The following FGGY variants were observed in gnomAD, a reference collection of about 807,000 sequenced individuals.
FGGY encodes the protein FGGY carbohydrate kinase domain containing.
In FGGY, 72 loss-of-function variants were observed where a neutral mutation model predicts 71.3. The ratio of observed to expected loss-of-function variants is 1.01; its 90% CI spans 0.84 to 1.23. The LOEUF is 1.23. Ranked by LOEUF, FGGY falls within the 50% of genes most tolerant of loss-of-function variation. FGGY has a pLI of 0.00. For synonymous variants in FGGY, 251 were observed against 250.3 expected (o/e 1.00, Z -0.02); for missense variants, 668 against 682.3 (o/e 0.98, Z 0.23).
At chr1:59,633,305 C>T (rs564170125) in intron 10 of FGGY, among the ~76,000 whole-genome samples, 35 of 152,242 alleles carry the variant, frequency 2.3e-4, no homozygotes, top group African/African-American at 7.2e-4. Context: ...CCACTGCGCC[C>T]GACCTATTAT....
At chr1:59,378,642 TG>T in intron 4 of FGGY, 106 bp from the exon 5 acceptor site, 1 of 862,866 alleles carries the variant, frequency 1.2e-6, no homozygotes, top group East Asian at 2.7e-5. Flanking sequence ...GATGTTTCAA[TG>T]GGCATTGTTG....
At chr1:59,473,087 C>T (rs527608367) in intron 6 of FGGY, among the ~76,000 whole-genome samples, 33 of 152,298 alleles carry the variant, frequency 2.2e-4, no homozygotes, top group African/African-American at 5.1e-4. Flanking sequence ...GCAACCCACT[C>T]GGGTCCCCTT....
chr1:59,513,845 T>C (rs1029035213), intron 7 of FGGY, among the ~76,000 whole-genome samples: 11 of 152,214 alleles, frequency 7.2e-5, no homozygotes, highest in African/African-American at 2.7e-4. Context: ...TATTAAATGG[T>C]GCCTTGTTCT....
chr1:59,302,993 A>G (rs2042995111), intron 1 of FGGY, among the ~76,000 whole-genome samples: 1 of 152,118 alleles, frequency 6.6e-6, no homozygotes. Context: ...TTTTTCCCCC[A>G]GCTTTATTGA....
At chr1:59,611,102 C>A (rs908094177) in intron 9 of FGGY, among the ~76,000 whole-genome samples, 7 of 152,336 alleles carry the variant, frequency 4.6e-5, no homozygotes, top group Middle Eastern at 3.4e-3. Flanking sequence ...CATAGCTGAA[C>A]AAAAGGCAGC....
At position 59,417,704 on chromosome 1, in the gene FGGY, G is replaced by A. The variant is rs2064709361; in HGVS notation, c.554+38867G>A. Among the ~76,000 whole-genome samples, 2 of 152,144 alleles carry A rather than the reference G, an allele frequency of 1.3e-5. 1 individual carries two copies. The highest frequency in any genetic ancestry group is 4.8e-5 in the African/African-American group (2 of 41,428). ...TTGCCTTTATGTAATGACTACTAAT[G>A]TTGAGAATATTTAATGTGCCTATTT... On this transcript the variant is annotated intron_variant, in intron 5 of 15. Transcript: ENST00000303721.
intron 8 of FGGY, among the ~76,000 whole-genome samples, chr1:59,579,417 C>T (rs1290600942): frequency 6.6e-6 from 1 of 152,090 alleles, no homozygotes; most frequent in East Asian, 1.9e-4. Flanking sequence ...TATTTAATCA[C>T]CTACTCAGCA....
At chr1:59,477,699 AT>A (rs958404472) in intron 6 of FGGY, among the ~76,000 whole-genome samples, 7 of 152,052 alleles carry the variant, frequency 4.6e-5, no homozygotes, top group Non-Finnish European at 1.0e-4. Context: ...ACCCACTGTA[AT>A]TTTCCCCCCA....
chr1:59,570,915 G>A (rs575740756), intron 8 of FGGY, among the ~76,000 whole-genome samples: 1 of 152,104 alleles, frequency 6.6e-6, no homozygotes, highest in Non-Finnish European at 1.5e-5. Flanking sequence ...TGGGACACAG[G>A]TGCACTTTGC....
At chr1:59,533,456 G>C (rs1414635665) in intron 7 of FGGY, among the ~76,000 whole-genome samples, 4 of 152,230 alleles carry the variant, frequency 2.6e-5, no homozygotes, top group Non-Finnish European at 4.4e-5. Context: ...GCTTGCTTAG[G>C]TAAGCAAAGC....
chr1:59,615,917 C>G (rs984374828), intron 9 of FGGY, among the ~76,000 whole-genome samples: 5 of 152,142 alleles, frequency 3.3e-5, no homozygotes, highest in Non-Finnish European at 7.3e-5. Flanking sequence ...CACTGGCCAT[C>G]AGAGAAATGC....
chr1:59,741,320 G>A (rs907804478), intron 14 of FGGY, among the ~76,000 whole-genome samples: 7 of 152,212 alleles, frequency 4.6e-5, no homozygotes, highest in East Asian at 3.9e-4. Context: ...CCCCCCATTG[G>A]TACCACATAG....
At chr1:59,600,579 A>T (rs1184630970) in intron 8 of FGGY, among the ~76,000 whole-genome samples, 1 of 152,222 alleles carries the variant, frequency 6.6e-6, no homozygotes, top group Non-Finnish European at 1.5e-5. Flanking sequence ...ACCTGCACCC[A>T]GCTCTTTGGA....
intron 14 of FGGY, among the ~76,000 whole-genome samples, chr1:59,739,664 G>A (rs768211564): frequency 7.9e-5 from 12 of 152,100 alleles, no homozygotes; most frequent in Non-Finnish European, 1.3e-4. Flanking sequence ...GTACGTGGAA[G>A]GGCTGTTTTC....
intron 14 of FGGY, among the ~76,000 whole-genome samples, chr1:59,715,434 A>G (rs1333540718): frequency 6.6e-6 from 1 of 152,204 alleles, no homozygotes; most frequent in Non-Finnish European, 1.5e-5. Flanking sequence ...CAATTTAATC[A>G]ATTGATAGGT....
chr1:59,653,420 G>T (rs2097186436), intron 11 of FGGY, among the ~76,000 whole-genome samples: 1 of 152,026 alleles, frequency 6.6e-6, no homozygotes, highest in South Asian at 2.1e-4. Flanking sequence ...GTGGGCGTAG[G>T]ACCCTCCGAG....
chr1:59,642,467 A>AAG, intron 11 of FGGY, among the ~76,000 whole-genome samples: 1 of 151,900 alleles, frequency 6.6e-6, no homozygotes, highest in East Asian at 1.9e-4. Flanking sequence ...TCTACTAAAA[A>AAG]TACAAAAATT....
At chr1:59,637,179 G>T (rs2096968445) in intron 10 of FGGY, among the ~76,000 whole-genome samples, 1 of 152,096 alleles carries the variant, frequency 6.6e-6, no homozygotes, top group Non-Finnish European at 1.5e-5. Context: ...TAAGTCACTG[G>T]CCCATTTTAC....
rs145172631 is a variant in FGGY at position 59,378,841 on chromosome 1, T to G, written c.554+4T>G. 3.2e-4 allele frequency: 519 copies of G among 1,609,194 alleles called. 2 individuals are homozygous for G. The highest frequency in any genetic ancestry group is 4.2e-4 in the Non-Finnish European group (489 of 1,176,044). On this transcript the variant is annotated splice_donor_region_variant and intron_variant, in intron 5 of 15. Coordinates refer to ENST00000303721, the MANE Select transcript of FGGY (RefSeq NM_018291.5). ...AGGCAACAGGTGTCACAGCACGGTA[T>G]GTTAATTACAAGTTGGATTGTGTTT...
Sources: gnomAD v4.1 joint callset for allele counts (sites outside exome capture counted in the v4.1 genomes callset) on GRCh38, gnomAD v4.1.1 for gene constraint, MANE v1.5 for transcripts, NCBI Gene and HGNC (gene_info 2026-07-23, HGNC 2026-07-21) for gene names.